MICAL2: variants seen among roughly 807,000 people sequenced by gnomAD.
The protein encoded by MICAL2 is [F-actin]-monooxygenase MICAL2.
Under a neutral mutation model 127.3 loss-of-function variants are expected in MICAL2, and 77 were observed. The observed-to-expected ratio is 0.60, with a 90% confidence interval of 0.50 to 0.73. The LOEUF is 0.73. MICAL2 is among the 30% of genes least tolerant of loss of function. The pLI, the probability that MICAL2 is intolerant of heterozygous loss-of-function variation, is 0.00. For missense variants in MICAL2, 1,351 were observed against 1,434.4 expected, an observed-to-expected ratio of 0.94 and a Z score of 0.94; for synonymous variants, 570 against 551.1, an observed-to-expected ratio of 1.03 and a Z score of -0.48.
At chr11:12,278,706 G>A (rs907229872) in intron 1 of MICAL2, among the ~76,000 whole-genome samples, 1 of 152,246 alleles carries the variant, frequency 6.6e-6, no homozygotes, top group Non-Finnish European at 1.5e-5. Flanking sequence ...GATGGGAGCA[G>A]TGGAGATGGA....
chr11:12,126,264 T>C (rs1180929673), intron 1 of MICAL2, among the ~76,000 whole-genome samples: 1 of 152,250 alleles, frequency 6.6e-6, no homozygotes, highest in Non-Finnish European at 1.5e-5. Flanking sequence ...CCATGGTTTT[T>C]TCCTCTTGTG....
In MICAL2 at chr11:12,138,177, A is replaced by G. The variant is rs553325096; in HGVS notation, c.-148-213A>G. The stretch of plus-strand genomic sequence containing the variant: ...TAGGGTGCCCTGACTGCAGCCAACA[A>G]TAGAATTTGTTTAGCCATCTTGCTA... On this transcript the variant is annotated intron_variant, in intron 1 of 27. Coordinates refer to ENST00000683283, the MANE Select transcript of MICAL2 (RefSeq NM_001282663.2). Among the ~76,000 whole-genome samples, 160 of 152,284 alleles carry G rather than the reference A, an allele frequency of 1.1e-3. 3 individuals are homozygous for G. The highest frequency in any genetic ancestry group is 7.3e-5 in the Non-Finnish European group (5 of 68,030).
chr11:12,186,098 C>G (rs558753404), intron 3 of MICAL2, among the ~76,000 whole-genome samples: 1 of 152,190 alleles, frequency 6.6e-6, no homozygotes, highest in Non-Finnish European at 1.5e-5. Context: ...GGAGGTCTTC[C>G]GTTACAGGAT....
At chr11:12,250,159 T>A (rs535493806) in intron 22 of MICAL2, 2 of 152,356 alleles carry the variant, frequency 1.3e-5, no homozygotes, top group African/African-American at 4.8e-5. Context: ...GAGCTCGTCC[T>A]GTGTGGGCCA....
At chr11:12,145,336 A>G (rs1244423960) in intron 2 of MICAL2, among the ~76,000 whole-genome samples, 1 of 152,228 alleles carries the variant, frequency 6.6e-6, no homozygotes, top group Non-Finnish European at 1.5e-5. Flanking sequence ...CGATAAAGGC[A>G]TCTTCTAGGC....
At chr11:12,354,695 A>C in intron 33 of MICAL2, 1 of 1,012,952 alleles carries the variant, frequency 9.9e-7, no homozygotes, top group Non-Finnish European at 1.5e-6. Context: ...AGGAAAAAAG[A>C]ATGCTGTAGC....
intron 32 of MICAL2, among the ~76,000 whole-genome samples, chr11:12,335,934 C>A (rs182905817): frequency 6.6e-6 from 1 of 152,142 alleles, no homozygotes; most frequent in African/African-American, 2.4e-5. Flanking sequence ...CTTGACAATG[C>A]GGGCTCTTTT....
intron 2 of MICAL2, among the ~76,000 whole-genome samples, chr11:12,157,712 C>T (rs1261724101): frequency 6.6e-6 from 1 of 151,550 alleles, no homozygotes; most frequent in Admixed American, 6.6e-5. Flanking sequence ...AAAAAAAATC[C>T]TGACTACGTT....
chr11:12,334,675 A>G (rs1308791162), intron 32 of MICAL2, among the ~76,000 whole-genome samples: 3 of 134,652 alleles, frequency 2.2e-5, no homozygotes, highest in East Asian at 4.6e-4. Context: ...TCATTGTTCA[A>G]TTCCCACCTG....
chr11:12,275,215 T>A (rs114672430), upstream of MICAL2, among the ~76,000 whole-genome samples: 7,472 of 152,192 alleles, frequency 0.049, 631 homozygotes, highest in African/African-American at 0.17. Context: ...GTGGAGAAGA[T>A]GAAGAACTCT....
downstream of MICAL2, among the ~76,000 whole-genome samples, chr11:12,266,973 C>T (rs1287951626): frequency 6.6e-6 from 1 of 152,334 alleles, no homozygotes; most frequent in South Asian, 2.1e-4. Context: ...CGGGCATTCT[C>T]GATTAACTGG....
Position 12,214,337 on chromosome 11 carries a change from G to A in MICAL2, c.847+927G>A, listed in dbSNP as rs60152717. Among the ~76,000 whole-genome samples, 404 of 152,270 alleles carry A rather than the reference G, an allele frequency of 2.7e-3. 4 individuals are homozygous for A. Among genetic ancestry groups the A allele is most frequent in the African/African-American group, 6.4e-3 (264 of 41,550 alleles). On this transcript the variant is annotated intron_variant, in intron 7 of 27. Transcript: ENST00000683283. ...CATCCGCAATCTGACCGCCCCACAC[G>A]AGAATAGTCTTCAGACTCACCTACT...
At chr11:12,345,487 A>G (rs1938939193) in intron 32 of MICAL2, among the ~76,000 whole-genome samples, 1 of 152,236 alleles carries the variant, frequency 6.6e-6, no homozygotes, top group Admixed American at 6.5e-5. Flanking sequence ...TTGCTTTCTA[A>G]TATCACATAA....
chr11:12,298,571 A>G (rs1864012323), intron 29 of MICAL2, among the ~76,000 whole-genome samples: 1 of 152,200 alleles, frequency 6.6e-6, no homozygotes, highest in South Asian at 2.1e-4. Context: ...ATTCCTACTC[A>G]TAATGAGAAT....
intron 21 of MICAL2, 65 bp downstream of exon 21, chr11:12,244,177 C>A (rs2134502481): frequency 1.3e-6 from 2 of 1,588,528 alleles, no homozygotes; most frequent in Non-Finnish European, 1.7e-6. Context: ...TCATGCTCCA[C>A]TTGACCTGCA....
At chr11:12,146,044 C>A (rs1033981006) in intron 2 of MICAL2, among the ~76,000 whole-genome samples, 8 of 152,158 alleles carry the variant, frequency 5.3e-5, no homozygotes, top group Non-Finnish European at 1.2e-4. Context: ...CCCTTCCTTA[C>A]ACCTTATACA....
chr11:12,329,176 C>T (rs768070390), intron 32 of MICAL2, among the ~76,000 whole-genome samples: 8 of 152,182 alleles, frequency 5.3e-5, no homozygotes, highest in Non-Finnish European at 8.8e-5. Flanking sequence ...CTACAATGCA[C>T]TGGATTTCCT....
rs1332950505 is a variant in MICAL2 at position 12,162,415 on chromosome 11, C to A, written c.260C>A (p.Thr87Asn). ...EYKRGKSCTN[T>N]KCLIVGGGPC... Reference sequence around the variant, plus strand: ...AAGCGAGGGAAGTCGTGCACGAACACCAAGGTAAGGGGAAACCCTCCTAGT... The same window carrying A: ...AAGCGAGGGAAGTCGTGCACGAACAACAAGGTAAGGGGAAACCCTCCTAGT... The change falls in exon 3 of 28, where the codon ACC becomes AAC. Residue 87 changes from threonine to asparagine, a missense_variant. Around this residue, in one of 2 missense-constraint regions of MICAL2, gnomAD observed 599 missense variants for 714.9 expected, o/e 0.84. Transcript: ENST00000683283. 5.0e-6 allele frequency: 8 copies of A among 1,614,032 alleles called. No homozygotes were observed. Among genetic ancestry groups the A allele is most frequent in the Non-Finnish European group, 5.1e-6 (6 of 1,179,998 alleles).
downstream of MICAL2, chr11:12,294,019 C>T: frequency 6.2e-7 from 1 of 1,614,198 alleles, no homozygotes; most frequent in Non-Finnish European, 8.5e-7. Context: ...ATTGGAATGA[C>T]TCCATCCCTG....
Sources: gnomAD v4.1 joint callset for allele counts (sites outside exome capture counted in the v4.1 genomes callset) on GRCh38, gnomAD v4.1.1 for gene constraint, gnomAD v4.1.1 regional missense constraint, MANE v1.5 for transcripts, NCBI Gene and HGNC (gene_info 2026-07-23, HGNC 2026-07-21) for gene names.